The following ANKRD30B variants were observed in gnomAD, a reference collection of about 807,000 sequenced individuals.
ANKRD30B encodes ankyrin repeat domain 30B, also known as ankyrin repeat domain-containing protein 30B.
In ANKRD30B, 144 loss-of-function variants were observed where a neutral mutation model predicts 202.2. The ratio of observed to expected loss-of-function variants is 0.71; its 90% confidence interval spans 0.62 to 0.82. ANKRD30B has a LOEUF of 0.82. Among genes scored for constraint, ANKRD30B ranks in the 40% least tolerant of loss-of-function variants. The pLI is 0.00. For missense variants in ANKRD30B, 1,487 were observed against 1,669.1 expected, an observed-to-expected ratio of 0.89 and a Z score of 1.90; for synonymous variants, 508 against 561.3, an observed-to-expected ratio of 0.91 and a Z score of 1.34.
intron 23 of ANKRD30B, among the ~76,000 whole-genome samples, chr18:14,803,447 A>G (rs1969314042): frequency 7.5e-6 from 1 of 132,830 alleles, no homozygotes; most frequent in Admixed American, 8.1e-5. Flanking sequence ...TAAGAGAGTT[A>G]CTTTCTGAAA....
chr18:14,765,962 C>T (rs896503275), intron 7 of ANKRD30B, among the ~76,000 whole-genome samples: 7 of 151,612 alleles, frequency 4.6e-5, no homozygotes, highest in Non-Finnish European at 2.9e-5. Flanking sequence ...ACTGTGAAAG[C>T]CATCAGTTAA....
At chr18:14,918,980 C>T in the ANKRD30B span, among the ~76,000 whole-genome samples, 2 of 152,216 alleles carry the variant, frequency 1.3e-5, no homozygotes, top group Non-Finnish European at 2.9e-5. Context: ...TGTGATGACA[C>T]AGCAAGAAAG....
intron 3 of ANKRD30B, among the ~76,000 whole-genome samples, chr18:14,753,508 C>G (rs1913815700): frequency 6.6e-6 from 1 of 152,184 alleles, no homozygotes; most frequent in African/African-American, 2.4e-5. Flanking sequence ...ACTTACTGAA[C>G]TTACCTCTTT....
the ANKRD30B span, among the ~76,000 whole-genome samples, chr18:14,872,971 C>A: frequency 6.6e-6 from 1 of 152,086 alleles, no homozygotes; most frequent in African/African-American, 2.4e-5. Flanking sequence ...CCTTTGATGC[C>A]GTTTTGATCC....
chr18:14,782,743 A>G (rs1048202575), intron 12 of ANKRD30B, 129 bp downstream of exon 12: 2 of 521,968 alleles, frequency 3.8e-6, no homozygotes, highest in Non-Finnish European at 6.5e-6. Flanking sequence ...GAGGAGTAAA[A>G]TGATAAGTTA....
chr18:14,833,155 T>A (rs1971026132), intron 34 of ANKRD30B, among the ~76,000 whole-genome samples: 1 of 151,582 alleles, frequency 6.6e-6, no homozygotes, highest in Non-Finnish European at 1.5e-5. Flanking sequence ...CAGGATGGTG[T>A]CGATCTCTTC....
chr18:14,796,448 T>C, intron 18 of ANKRD30B, 33 bp downstream of exon 18: 1 of 1,523,502 alleles, frequency 6.6e-7, no homozygotes, highest in Non-Finnish European at 8.8e-7. Context: ...TAATCTGTAA[T>C]TAAGAATATT....
At chr18:14,902,390 G>C in the ANKRD30B span, among the ~76,000 whole-genome samples, 1 of 152,172 alleles carries the variant, frequency 6.6e-6, no homozygotes, top group Non-Finnish European at 1.5e-5. Context: ...GGCAAAATCT[G>C]AGGGTGAATT....
chr18:14,921,057 G>A, the ANKRD30B span, among the ~76,000 whole-genome samples: 1 of 152,218 alleles, frequency 6.6e-6, no homozygotes, highest in African/African-American at 2.4e-5. Flanking sequence ...CATAATAAGG[G>A]GGAAGAAAGG....
the ANKRD30B span, among the ~76,000 whole-genome samples, chr18:14,910,484 A>AAAAAAT: frequency 4.8e-4 from 71 of 147,658 alleles, no homozygotes; most frequent in African/African-American, 1.8e-3. Flanking sequence ...ACAATGTAAA[A>AAAAAAT]ATATATATAT....
chr18:14,865,012 T>C, the ANKRD30B span, among the ~76,000 whole-genome samples: 19 of 151,384 alleles, frequency 1.3e-4, no homozygotes, highest in African/African-American at 4.6e-4. Flanking sequence ...TCTTTTTGCC[T>C]TCCATCTACC....
At position 14,772,515 on chromosome 18, in the gene ANKRD30B, A is replaced by G. The variant is rs564785943; in HGVS notation, c.1329+287A>G. On this transcript the variant is annotated intron_variant, in intron 9 of 43. Coordinates refer to ENST00000690538, the MANE Select transcript of ANKRD30B (RefSeq NM_001367607.2). ...TTATACTAGAAAAAACTTTTCCACAATAGAGAATATATAAAATCTGGTAAA... is the reference window on the plus strand; with the variant it reads ...TTATACTAGAAAAAACTTTTCCACAGTAGAGAATATATAAAATCTGGTAAA... Among the ~76,000 whole-genome samples, 3 of 152,230 alleles carry G rather than the reference A, an allele frequency of 2.0e-5. No homozygotes were observed. In the South Asian group the frequency reaches 6.2e-4, roughly 32 times the overall value.
At chr18:14,922,338 T>C in the ANKRD30B span, among the ~76,000 whole-genome samples, 11 of 152,116 alleles carry the variant, frequency 7.2e-5, no homozygotes, top group Admixed American at 3.3e-4. Flanking sequence ...GCTAAAGTGC[T>C]CTGGGGCACT....
the ANKRD30B span, among the ~76,000 whole-genome samples, chr18:14,882,887 G>C: frequency 8.5e-5 from 13 of 152,112 alleles, no homozygotes; most frequent in African/African-American, 3.1e-4. Flanking sequence ...AGCTACTGTT[G>C]CTTTAAAGTT....
chr18:14,831,710 G>A (rs1431900925), intron 34 of ANKRD30B, among the ~76,000 whole-genome samples: 1 of 151,876 alleles, frequency 6.6e-6, no homozygotes, highest in East Asian at 1.9e-4. Flanking sequence ...GCCAAAAACC[G>A]GAATGGGCTG....
chr18:14,749,257 G>A (rs1269341982), intron 1 of ANKRD30B, among the ~76,000 whole-genome samples: 2 of 152,170 alleles, frequency 1.3e-5, no homozygotes, highest in Non-Finnish European at 2.9e-5. Flanking sequence ...ACCAAATAAA[G>A]CTATTAACGT....
the ANKRD30B span, among the ~76,000 whole-genome samples, chr18:14,940,236 T>C: frequency 6.6e-6 from 1 of 152,198 alleles, no homozygotes; most frequent in African/African-American, 2.4e-5. Flanking sequence ...GCTGTAGAGC[T>C]GCACCATGGC....
At chr18:14,818,826 G>A (rs1028096343) in intron 30 of ANKRD30B, among the ~76,000 whole-genome samples, 1 of 151,904 alleles carries the variant, frequency 6.6e-6, no homozygotes, top group African/African-American at 2.4e-5. Context: ...AAACATACGT[G>A]TGCATGTGTC....
the ANKRD30B span, among the ~76,000 whole-genome samples, chr18:14,920,288 G>C: frequency 6.6e-6 from 1 of 152,214 alleles, no homozygotes; most frequent in Admixed American, 6.5e-5. Flanking sequence ...TTGGCTTCTT[G>C]ACGCTCAACT....
Sources: gnomAD v4.1 joint callset for allele counts (sites outside exome capture counted in the v4.1 genomes callset) on GRCh38, gnomAD v4.1.1 for gene constraint, MANE v1.5 for transcripts, NCBI Gene and HGNC (gene_info 2026-07-23, HGNC 2026-07-21) for gene names.